PEX26: variants seen among roughly 807,000 people sequenced by gnomAD.
The protein encoded by PEX26 is peroxisomal biogenesis factor 26.
A neutral mutation model predicts 31.4 loss-of-function variants in PEX26; 18 were observed. The ratio of observed to expected loss-of-function variants is 0.57; its 90% CI spans 0.40 to 0.85. The LOEUF is 0.85. Ranked by LOEUF, PEX26 falls within the 40% of genes least tolerant of loss-of-function variation. PEX26 has a pLI of 0.00. For synonymous variants in PEX26, 176 were observed against 166.9 expected, an observed-to-expected ratio of 1.05 and a Z score of -0.42; for missense variants, 377 against 383.9, an observed-to-expected ratio of 0.98 and a Z score of 0.15.
In PEX26 at chr22:18,101,366, A is replaced by G. The variant is rs573726925; in HGVS notation, c.*13291A>G. On this transcript the variant is annotated 3_prime_UTR_variant, in exon 5 of 5. Transcript: ENST00000399744. ...GATAATAGTCCCAGTCAAAAACCCC[A>G]TTGAGGTTGAAGGACTGGAAACTGA... is the stretch of plus-strand genomic sequence containing the variant. 6.6e-6 allele frequency: 1 copy of G among 152,198 alleles called. No individual in the cohort carries two copies. Among genetic ancestry groups the G allele is most frequent in the Admixed American group, 6.6e-5 (1 of 15,258 alleles). The allele number at this position is 152,198 out of a possible 1,614,324, so 9.4% of individuals were successfully genotyped here. A position where few individuals can be genotyped will look rare whatever the true frequency, so the allele number is the denominator to read the frequency against.
Position 18,092,244 on chromosome 22 carries a change from G to A in PEX26, c.*4169G>A, listed in dbSNP as rs1436525104. ...GCAACCCACCCACGGCCTGGCCAAGGTCGGCCTCACCGCCCTGGCCTAGCA... is the reference window on the plus strand; with the variant it reads ...GCAACCCACCCACGGCCTGGCCAAGATCGGCCTCACCGCCCTGGCCTAGCA... On this transcript the variant is annotated 3_prime_UTR_variant, in exon 5 of 5. Coordinates refer to ENST00000399744, the MANE Select transcript of PEX26 (RefSeq NM_001127649.3). 1 of 152,302 alleles carries A rather than the reference G, an allele frequency of 6.6e-6. No homozygotes were observed. The highest frequency in any genetic ancestry group is 6.5e-5 in the Admixed American group (1 of 15,290). The allele number at this position is 152,302 out of a possible 1,614,324, so 9.4% of individuals were successfully genotyped here.
rs1927172197 is a variant in PEX26 at position 18,093,189 on chromosome 22, C to T, written c.*5114C>T. 1 of 152,178 alleles carries T rather than the reference C, an allele frequency of 6.6e-6. No homozygotes were observed. The highest frequency in any genetic ancestry group is 2.4e-5 in the African/African-American group (1 of 41,440). 9.4% of individuals were successfully genotyped at this position (152,178 alleles called of 1,614,324 possible). A position where few individuals can be genotyped will look rare whatever the true frequency, so the allele number is the denominator to read the frequency against. Reference sequence around the variant, plus strand: ...CACAAAAGACCATCACACGATTCTACCAATGCATGTTGCATCTATAATTCA... The same window carrying T: ...CACAAAAGACCATCACACGATTCTATCAATGCATGTTGCATCTATAATTCA... On this transcript the variant is annotated 3_prime_UTR_variant, in exon 5 of 5. Coordinates refer to ENST00000399744, the MANE Select transcript of PEX26 (RefSeq NM_001127649.3).
chr22:18,080,452 C>T (rs1926520392), intron 2 of PEX26, among the ~76,000 whole-genome samples: 1 of 152,184 alleles, frequency 6.6e-6, no homozygotes, highest in African/African-American at 2.4e-5. Context: ...GCCTCAGCCT[C>T]CCGAGTAGCT....
chr22:18,083,932 T>C (rs1216017860), intron 3 of PEX26, among the ~76,000 whole-genome samples, 200 bp downstream of exon 3: 1 of 152,210 alleles, frequency 6.6e-6, no homozygotes, highest in African/African-American at 2.4e-5. Context: ...AAGGAGAATC[T>C]CCACATGGGA....
chr22:18,103,167 G>A lies in PEX26; in HGVS notation c.*15092G>A, dbSNP rs1039157529. On this transcript the variant is annotated 3_prime_UTR_variant, in exon 5 of 5. Transcript: ENST00000399744. Reference sequence around the variant, plus strand: ...GAGAGTAGAATGACAATTACTAGAGGCTGGGCAGGGTGTGTATGTGGGATG... The same window carrying A: ...GAGAGTAGAATGACAATTACTAGAGACTGGGCAGGGTGTGTATGTGGGATG... The A allele has an allele frequency of 1.3e-5, 2 of 151,270 alleles. No homozygotes were observed. The highest frequency in any genetic ancestry group is 4.9e-5 in the African/African-American group (2 of 41,074). 9.4% of individuals were successfully genotyped at this position (151,270 alleles called of 1,614,324 possible).
chr22:18,078,295 G>C lies in PEX26; in HGVS notation c.-82G>C. ...GATGAGGACTCTCCCTCTTCGCCCA[G>C]GCCAACTCGGGATATCCCGGAGCCT... is the stretch of plus-strand genomic sequence containing the variant. On this transcript the variant is annotated 5_prime_UTR_variant, in exon 1 of 5. Coordinates refer to ENST00000399744, the MANE Select transcript of PEX26 (RefSeq NM_001127649.3). 2.0e-6 allele frequency: 2 copies of C among 1,012,966 alleles called. No individual in the cohort carries two copies. The highest frequency in any genetic ancestry group is 3.0e-6 in the Non-Finnish European group (2 of 662,960). The allele number at this position is 1,012,966 out of a possible 1,614,324, so 62.7% of individuals were successfully genotyped here.
chr22:18,086,326 A>G (rs1033168686), intron 4 of PEX26, among the ~76,000 whole-genome samples: 1 of 152,182 alleles, frequency 6.6e-6, no homozygotes, highest in African/African-American at 2.4e-5. Context: ...TGTGGAAAAT[A>G]GAGAAAAGTA....
At chr22:18,079,309 G>A (rs1237313307) in intron 1 of PEX26, 14 of 817,308 alleles carry the variant, frequency 1.7e-5, no homozygotes, top group Non-Finnish European at 2.1e-5. Flanking sequence ...ACGCTAGGGA[G>A]GTGGTAGGTA....
At position 18,079,982 on chromosome 22, in the gene PEX26, T is replaced by C. The variant is rs1200257402; in HGVS notation, c.339T>C (p.Pro113=). 4 of 1,614,178 alleles carry C rather than the reference T, an allele frequency of 2.5e-6. No individual in the cohort carries two copies. The South Asian group carries it at 3.3e-5, about 13-fold the overall frequency. The part of the protein sequence containing the change: ...LSWVLQYYQV[P]EKLPPKVLEL... ...GGGTCCTTCAGTATTACCAGGTCCCTGAAAAGCTACCCCCCAAAGTCCTGG... is the reference window on the plus strand; with the variant it reads ...GGGTCCTTCAGTATTACCAGGTCCCCGAAAAGCTACCCCCCAAAGTCCTGG... The change falls in exon 2 of 5, where the codon CCT becomes CCC. Residue 113 remains proline, a synonymous_variant. Transcript: ENST00000399744.
rs1927174130 is a variant in PEX26 at position 18,093,253 on chromosome 22, T to C, written c.*5178T>C. 1 of 152,116 alleles carries C rather than the reference T, an allele frequency of 6.6e-6. No individual in the cohort carries two copies. Among genetic ancestry groups the C allele is most frequent in the Admixed American group, 6.5e-5 (1 of 15,278 alleles). 9.4% of individuals were successfully genotyped at this position (152,116 alleles called of 1,614,324 possible). A position where few individuals can be genotyped will look rare whatever the true frequency, so the allele number is the denominator to read the frequency against. On this transcript the variant is annotated 3_prime_UTR_variant, in exon 5 of 5. Coordinates refer to ENST00000399744, the MANE Select transcript of PEX26 (RefSeq NM_001127649.3). The stretch of plus-strand genomic sequence containing the variant: ...CAAGATCATGTTCACTTCAACCCCA[T>C]TTCATTTAAATTAAAGAAAAAAACC...
At chr22:18,087,876 A>C in intron 4 of PEX26, 96 bp from the exon 5 acceptor site, 1 of 830,002 alleles carries the variant, frequency 1.2e-6, no homozygotes, top group East Asian at 2.4e-5. Flanking sequence ...AAAACCAACT[A>C]TGTGTAATTG....
intron 2 of PEX26, among the ~76,000 whole-genome samples, chr22:18,082,420 A>G (rs948049360): frequency 2.6e-5 from 4 of 152,164 alleles, no homozygotes; most frequent in African/African-American, 7.2e-5. Flanking sequence ...GGTCTCCTGC[A>G]TATGGATATC....
In PEX26 at chr22:18,085,095, T is replaced by C. The variant is rs1926786069; in HGVS notation, c.668-17T>C. ...TCCCATGACATCCCTGAAGCTGTGC[T>C]CTGTCTCCCTGGCCAGGCTCTGTCT... On this transcript the variant is annotated splice_polypyrimidine_tract_variant and intron_variant, in intron 3 of 4. Coordinates refer to ENST00000399744, the MANE Select transcript of PEX26 (RefSeq NM_001127649.3). 1.9e-6 allele frequency: 3 copies of C among 1,613,808 alleles called. No individual in the cohort carries two copies. Among genetic ancestry groups the C allele is most frequent in the Admixed American group, 3.3e-5 (2 of 60,002 alleles).
At position 18,089,718 on chromosome 22, in the gene PEX26, GTTTT is replaced by G. The variant is rs887742142; in HGVS notation, c.*1645_*1648del. On this transcript the variant is annotated 3_prime_UTR_variant, in exon 5 of 5. Coordinates refer to ENST00000399744, the MANE Select transcript of PEX26 (RefSeq NM_001127649.3). ...GTTTTGTTTGTTTGTTTGTTTGTTT[GTTTT>G]TGAGATGGAGTCTCTGTCACCCAGG... 1 of 68,568 alleles carries G rather than the reference GTTTT, an allele frequency of 1.5e-5. No homozygotes were observed. The highest frequency in any genetic ancestry group is 2.7e-5 in the Non-Finnish European group (1 of 37,634). 4.2% of individuals were successfully genotyped at this position (68,568 alleles called of 1,614,324 possible).
chr22:18,080,138 A>C, intron 2 of PEX26, 124 bp downstream of exon 2: 1 of 1,065,836 alleles, frequency 9.4e-7, no homozygotes, highest in Non-Finnish European at 1.4e-6. Context: ...CTTTCCCTTC[A>C]CTTTTTTTTC....
At position 18,094,336 on chromosome 22, in the gene PEX26, C is replaced by G. The variant is rs1927224464; in HGVS notation, c.*6261C>G. ...ACACCATTCTCCTGCCTCAGCCTCC[C>G]GAGTGGCTGGGACTATAGGCGCCCG... On this transcript the variant is annotated 3_prime_UTR_variant, in exon 5 of 5. Coordinates refer to ENST00000399744, the MANE Select transcript of PEX26 (RefSeq NM_001127649.3). 6.6e-6 allele frequency: 1 copy of G among 152,308 alleles called. No individual in the cohort carries two copies. Among genetic ancestry groups the G allele is most frequent in the African/African-American group, 2.4e-5 (1 of 41,436 alleles). The allele number at this position is 152,308 out of a possible 1,614,324, so 9.4% of individuals were successfully genotyped here. A position where few individuals can be genotyped will look rare whatever the true frequency, so the allele number is the denominator to read the frequency against.
chr22:18,099,857 C>G lies in PEX26; in HGVS notation c.*11782C>G, dbSNP rs1047861529. On this transcript the variant is annotated 3_prime_UTR_variant, in exon 5 of 5. Transcript: ENST00000399744. ...TCTTCGTACCTCTGTATCTTCTCTGCCAAGGATGCATGTCACTGAATTTAA... is the reference window on the plus strand; with the variant it reads ...TCTTCGTACCTCTGTATCTTCTCTGGCAAGGATGCATGTCACTGAATTTAA... The G allele has an allele frequency of 1.3e-5, 2 of 152,282 alleles. No homozygotes were observed. The highest frequency in any genetic ancestry group is 2.9e-5 in the Non-Finnish European group (2 of 68,032). 9.4% of individuals were successfully genotyped at this position (152,282 alleles called of 1,614,324 possible). A position where few individuals can be genotyped will look rare whatever the true frequency, so the allele number is the denominator to read the frequency against.
rs1569194178 is a variant in PEX26, at chr22:18,103,794, C to T, written c.*15719C>T. On this transcript the variant is annotated 3_prime_UTR_variant, in exon 5 of 5. Transcript: ENST00000399744. ...CAGCCCGGTCAACACCCACATGCAC[C>T]ACCACCAACTTTTTGCTATTGTGAA... 6.6e-6 allele frequency: 1 copy of T among 152,488 alleles called. No individual in the cohort carries two copies. Among genetic ancestry groups the T allele is most frequent in the Admixed American group, 6.6e-5 (1 of 15,264 alleles). The allele number at this position is 152,488 out of a possible 1,614,324, so 9.4% of individuals were successfully genotyped here. A position where few individuals can be genotyped will look rare whatever the true frequency, so the allele number is the denominator to read the frequency against.
At position 18,101,558 on chromosome 22, in the gene PEX26, C is replaced by A. The variant is rs34658760; in HGVS notation, c.*13483C>A. ...TGCAGAAAGTGATCTCTTACTCATA[C>A]TTCAAGACACAGCCTAAGTATGACC... On this transcript the variant is annotated 3_prime_UTR_variant, in exon 5 of 5. Transcript: ENST00000399744. The A allele has an allele frequency of 0.012, 1,956 of 163,538 alleles. 28 individuals carry two copies. The highest frequency in any genetic ancestry group is 0.077 in the South Asian group (395 of 5,112). The allele number at this position is 163,538 out of a possible 1,614,324, so 10.1% of individuals were successfully genotyped here. A position where few individuals can be genotyped will look rare whatever the true frequency, so the allele number is the denominator to read the frequency against.
Sources: gnomAD v4.1 joint callset for allele counts (sites outside exome capture counted in the v4.1 genomes callset) on GRCh38, gnomAD v4.1.1 for gene constraint, MANE v1.5 for transcripts, NCBI Gene and HGNC (gene_info 2026-07-23, HGNC 2026-07-21) for gene names.